The following RASSF3 variants were observed in gnomAD, a reference collection of about 807,000 sequenced individuals.
RASSF3 encodes Ras association domain family member 3, also known as ras association domain-containing protein 3.
In RASSF3, 19 loss-of-function variants were observed where a neutral mutation model predicts 19.9. That is an observed-to-expected ratio of 0.96 (90% CI 0.67 to 1.40). The LOEUF (loss-of-function observed/expected upper bound fraction) is 1.40. RASSF3 is among the 40% of genes most tolerant of loss of function. RASSF3 has a pLI of 0.00. For synonymous variants in RASSF3, 110 were observed against 104.2 expected, an observed-to-expected ratio of 1.06 and a Z score of -0.34; for missense variants, 306 against 289.8, an observed-to-expected ratio of 1.06 and a Z score of -0.41.
In RASSF3 at chr12:64,508,380, G is replaced by A. The variant is rs147994554; in HGVS notation, c.169+1051G>A. 6.6e-4 allele frequency among the ~76,000 whole-genome samples: 100 copies of A among 151,720 alleles called. 1 individual carries two copies. Among genetic ancestry groups the A allele is most frequent in the African/African-American group, 2.3e-3 (97 of 41,360 alleles). Reference sequence around the variant, plus strand: ...AAATACAAAAAAATTAGCCGGGCATGGTGGCTGGTGCCTGTAATCCCAGCT... The same window carrying A: ...AAATACAAAAAAATTAGCCGGGCATAGTGGCTGGTGCCTGTAATCCCAGCT... On this transcript the variant is annotated intron_variant, in intron 1 of 5. Transcript: ENST00000637125.
At chr12:64,587,106 T>A in intron 2 of RASSF3, among the ~76,000 whole-genome samples, 1 of 87,436 alleles carries the variant, frequency 1.1e-5, no homozygotes, top group East Asian at 3.1e-4. Flanking sequence ...CAGGCTGGAG[T>A]GCAATGGTGC....
intron 2 of RASSF3, among the ~76,000 whole-genome samples, chr12:64,586,491 G>GACAAA (rs34214680): frequency 1.4e-5 from 1 of 70,146 alleles, no homozygotes; most frequent in Non-Finnish European, 2.4e-5. Context: ...CTCCTTCTCA[G>GACAAA]AAAAAAAAAA....
intron 2 of RASSF3, among the ~76,000 whole-genome samples, chr12:64,602,792 C>T (rs992580612): frequency 1.3e-5 from 2 of 151,844 alleles, no homozygotes; most frequent in African/African-American, 4.8e-5. Context: ...TCTCCCTATA[C>T]TCTTTACTCT....
At chr12:64,517,611 T>C (rs1592386104) in intron 1 of RASSF3, among the ~76,000 whole-genome samples, 1 of 138,534 alleles carries the variant, frequency 7.2e-6, no homozygotes. Context: ...CATACATATA[T>C]ACACACACAC....
intron 1 of RASSF3, 60 bp from the exon 2 acceptor site, chr12:64,684,727 G>A (rs539083630): frequency 3.6e-5 from 42 of 1,162,050 alleles, no homozygotes; most frequent in Non-Finnish European, 4.5e-5. Context: ...CACTGCGCCC[G>A]GCCTATCCGC....
chr12:64,521,591 GAAGA>G (rs1447848223), intron 1 of RASSF3, among the ~76,000 whole-genome samples: 2 of 152,316 alleles, frequency 1.3e-5, no homozygotes, highest in African/African-American at 4.8e-5. Flanking sequence ...TATGCACAAG[GAAGA>G]AAGAATCATT....
chr12:64,650,123 AG>A, intron 1 of RASSF3, among the ~76,000 whole-genome samples: 1 of 152,352 alleles, frequency 6.6e-6, no homozygotes, highest in East Asian at 1.9e-4. Context: ...TTGCAGGGGC[AG>A]GGACAGGGGA....
At chr12:64,610,919 C>G (rs1592417776) in intron 1 of RASSF3, among the ~76,000 whole-genome samples, 176 bp downstream of exon 1, 1 of 152,204 alleles carries the variant, frequency 6.6e-6, no homozygotes, top group East Asian at 1.9e-4. Flanking sequence ...GTGCCTGGAG[C>G]TTGTGCGTGT....
chr12:64,534,965 G>A (rs541157468), intron 1 of RASSF3, among the ~76,000 whole-genome samples: 2 of 152,036 alleles, frequency 1.3e-5, no homozygotes, highest in South Asian at 4.2e-4. Flanking sequence ...TCATCTCTAA[G>A]GCACCATCTA....
At chr12:64,543,315 G>T (rs990059085), downstream of RASSF3, among the ~76,000 whole-genome samples, 250 of 151,052 alleles carry the variant, frequency 1.7e-3, 3 homozygotes, top group African/African-American at 5.6e-3. Context: ...CCACAGCAGT[G>T]CCGGCCCACC....
rs1869782151 is a variant in RASSF3 at position 64,585,600 on chromosome 12, C to CA, written c.294+43895_294+43896insA. ...TGTTACTGCATTTTGCTAGGCAAGT[C>CA]CTTTTTTTTTTTTTTTTTTTTTGAG... On this transcript the variant is annotated intron_variant, in intron 2 of 5. Transcript: ENST00000637125. Among the ~76,000 whole-genome samples, 17 of 123,340 alleles carry CA rather than the reference C, an allele frequency of 1.4e-4. 1 individual carries two copies. The Admixed American group carries it at 1.8e-3, about 13-fold the overall frequency. 80.9% of individuals were successfully genotyped at this position (123,340 alleles called of 152,430 possible).
chr12:64,637,592 G>A (rs1871367331), intron 1 of RASSF3, among the ~76,000 whole-genome samples: 1 of 151,626 alleles, frequency 6.6e-6, no homozygotes, highest in African/African-American at 2.4e-5. Flanking sequence ...ACCATGCCTG[G>A]CTAGTTTTTA....
rs528904757 is a variant in RASSF3 at position 64,646,280 on chromosome 12, G to C, written c.111+35537G>C. Among the ~76,000 whole-genome samples, 12 of 152,264 alleles carry C rather than the reference G, an allele frequency of 7.9e-5. No individual in the cohort carries two copies. The South Asian group carries it at 2.5e-3, about 32-fold the overall frequency. The stretch of plus-strand genomic sequence containing the variant: ...AGTAGGTGTATCATTGGCTTTAGTA[G>C]ATATTACCAGTTTTCTAACTGTGTT... On this transcript the variant is annotated intron_variant, in intron 1 of 4. Coordinates refer to ENST00000542104, the MANE Select transcript of RASSF3 (RefSeq NM_178169.4).
chr12:64,531,712 C>A (rs1022790410), upstream of RASSF3, among the ~76,000 whole-genome samples: 1 of 152,222 alleles, frequency 6.6e-6, no homozygotes, highest in African/African-American at 2.4e-5. Context: ...CTCCCTCCTT[C>A]CCTCGGGTGT....
rs1225531152 is a variant in RASSF3 at position 64,696,856 on chromosome 12, ACTTTAC to A, written c.*1950_*1955del. 2.6e-5 allele frequency: 4 copies of A among 152,292 alleles called. No individual in the cohort carries two copies. The East Asian group carries it at 5.8e-4, about 22-fold the overall frequency. The allele number at this position is 152,292 out of a possible 1,614,324, so 9.4% of individuals were successfully genotyped here. ...GGTTTTAGTGACATTGTCATCCAAC[ACTTTAC>A]CTTTATTGTTCAGGGAATGCCTTCG... On this transcript the variant is annotated 3_prime_UTR_variant, in exon 5 of 5. Transcript: ENST00000542104.
At chr12:64,513,775 C>G (rs927259807) in intron 1 of RASSF3, among the ~76,000 whole-genome samples, 1 of 152,148 alleles carries the variant, frequency 6.6e-6, no homozygotes, top group Non-Finnish European at 1.5e-5. Flanking sequence ...GACCATGCAA[C>G]CATGGAGAGA....
intron 2 of RASSF3, among the ~76,000 whole-genome samples, chr12:64,582,856 C>T (rs1218624062): frequency 6.6e-6 from 1 of 152,130 alleles, no homozygotes; most frequent in Non-Finnish European, 1.5e-5. Context: ...ATTGATTTTC[C>T]CACACTTTTG....
intron 1 of RASSF3, among the ~76,000 whole-genome samples, chr12:64,630,132 C>T (rs564993541): frequency 6.6e-6 from 1 of 152,214 alleles, no homozygotes; most frequent in African/African-American, 2.4e-5. Context: ...AGGCATTCCA[C>T]TCATGTAAGC....
intron 2 of RASSF3, among the ~76,000 whole-genome samples, chr12:64,553,414 C>A (rs924437351): frequency 1.3e-5 from 2 of 152,094 alleles, no homozygotes; most frequent in African/African-American, 4.8e-5. Flanking sequence ...TACTGGTAAA[C>A]TACTGCAAAG....
Sources: gnomAD v4.1 joint callset for allele counts (sites outside exome capture counted in the v4.1 genomes callset) on GRCh38, gnomAD v4.1.1 for gene constraint, MANE v1.5 for transcripts, NCBI Gene and HGNC (gene_info 2026-07-23, HGNC 2026-07-21) for gene names.